The following PAX5 variants were observed in gnomAD, a reference collection of about 807,000 sequenced individuals.
The protein encoded by PAX5 is paired box 5.
PAX5 carries 9 observed loss-of-function variants against 43.7 expected under a neutral mutation model. The ratio of observed to expected loss-of-function variants is 0.21; its 90% confidence interval spans 0.12 to 0.36. PAX5 has a LOEUF of 0.36. Ranked by LOEUF, PAX5 falls within the 10% of genes least tolerant of loss-of-function variation. The probability of loss-of-function intolerance (pLI) is 1.00; values close to 1 mark genes in which losing one functional copy is unlikely to be tolerated. For missense variants in PAX5, 383 were observed against 532.7 expected (o/e 0.72, Z 2.77); for synonymous variants, 228 against 214.3 (o/e 1.06, Z -0.56).
At chr9:37,013,582 C>T (rs1401787208) in intron 3 of PAX5, among the ~76,000 whole-genome samples, 2 of 152,136 alleles carry the variant, frequency 1.3e-5, no homozygotes, top group Non-Finnish European at 2.9e-5. Flanking sequence ...AATGGAGCCT[C>T]TTATAATCCA....
intron 6 of PAX5, among the ~76,000 whole-genome samples, chr9:36,960,088 T>C (rs1284391127): frequency 6.6e-6 from 1 of 152,174 alleles, no homozygotes; most frequent in Non-Finnish European, 1.5e-5. Flanking sequence ...AAGAGACAAG[T>C]TGGTGCAGGC....
rs534289073 is a variant in PAX5 at position 36,982,368 on chromosome 9, T to C, written c.605-15644A>G. 4.1e-4 allele frequency among the ~76,000 whole-genome samples: 63 copies of C among 152,362 alleles called. 2 individuals carry two copies. Among genetic ancestry groups the C allele is most frequent in the Admixed American group, 4.0e-3 (61 of 15,306 alleles). On this transcript the variant is annotated intron_variant, in intron 5 of 9. Transcript: ENST00000358127. ...GTGAATCCCTTGGTTCCAGCATTCATTGATCTGTTGCTGGTGCTCTGGTCC... is the reference window on the plus strand; with the variant it reads ...GTGAATCCCTTGGTTCCAGCATTCACTGATCTGTTGCTGGTGCTCTGGTCC...
intron 5 of PAX5, among the ~76,000 whole-genome samples, chr9:36,979,698 G>A (rs1349324002): frequency 6.6e-6 from 1 of 152,182 alleles, no homozygotes; most frequent in African/African-American, 2.4e-5. Flanking sequence ...GAGCCCTGGT[G>A]TCTCACCTCC....
chr9:36,981,243 C>G (rs1835904221), intron 5 of PAX5, among the ~76,000 whole-genome samples: 1 of 147,032 alleles, frequency 6.8e-6, no homozygotes, highest in Admixed American at 6.8e-5. Flanking sequence ...TTGTTTTCCT[C>G]CAGAGCATAG....
At chr9:36,877,552 G>A (rs1251361437) in intron 8 of PAX5, among the ~76,000 whole-genome samples, 1 of 152,178 alleles carries the variant, frequency 6.6e-6, no homozygotes, top group Non-Finnish European at 1.5e-5. Context: ...AAGAGACACA[G>A]GTGTCCCAGA....
intron 8 of PAX5, among the ~76,000 whole-genome samples, chr9:36,870,435 G>C (rs944772412): frequency 6.6e-6 from 1 of 152,126 alleles, no homozygotes; most frequent in South Asian, 2.1e-4. Flanking sequence ...TGAATACTCT[G>C]CAACTGAGGC....
intron 3 of PAX5, among the ~76,000 whole-genome samples, chr9:37,008,306 G>T (rs543973235): frequency 2.0e-5 from 3 of 152,126 alleles, no homozygotes; most frequent in African/African-American, 4.8e-5. Flanking sequence ...GGCCCTCCTC[G>T]GCCTCCCAAA....
chr9:36,833,979 A>T lies in PAX5; in HGVS notation c.*6581T>A, dbSNP rs140919873. On this transcript the variant is annotated 3_prime_UTR_variant, in exon 10 of 10. Transcript: ENST00000358127. The stretch of plus-strand genomic sequence containing the variant: ...AAAGGTCAGTCCCTAAGACAAAATC[A>T]AATGTCTCAAAGAATTAAAAGCAAA... The T allele has an allele frequency of 1.7e-5, 4 of 233,026 alleles. No individual in the cohort carries two copies. Among genetic ancestry groups the T allele is most frequent in the Non-Finnish European group, 2.5e-5 (3 of 117,988 alleles). The allele number at this position is 233,026 out of a possible 1,614,324, so 14.4% of individuals were successfully genotyped here. A position where few individuals can be genotyped will look rare whatever the true frequency, so the allele number is the denominator to read the frequency against.
intron 6 of PAX5, among the ~76,000 whole-genome samples, chr9:36,950,825 C>T (rs764178670): frequency 6.6e-6 from 1 of 151,462 alleles, no homozygotes; most frequent in Non-Finnish European, 1.5e-5. Context: ...ACTGCAACCT[C>T]CGCCTTCCAG....
intron 6 of PAX5, among the ~76,000 whole-genome samples, chr9:36,942,684 G>A (rs1832150921): frequency 1.3e-5 from 2 of 152,242 alleles, no homozygotes; most frequent in African/African-American, 4.8e-5. Flanking sequence ...TGCAGATGCA[G>A]AAACTGAGGC....
chr9:36,923,527 G>A (rs375721339), intron 6 of PAX5, 43 bp from the exon 7 acceptor site: 86 of 1,577,652 alleles, frequency 5.5e-5, no homozygotes, highest in Non-Finnish European at 7.0e-5. Context: ...AGACTCCACA[G>A]TACCTTAGTC....
At position 36,963,948 on chromosome 9, in the gene PAX5, G is replaced by T. The variant is rs1345537339; in HGVS notation, c.780+2601C>A. ...TTGAAATCTTGCCTCTGTGGCTCCT[G>T]TTACCCCTAAAATTACATGATCTTG... is the stretch of plus-strand genomic sequence containing the variant. On this transcript the variant is annotated intron_variant, in intron 6 of 9. Transcript: ENST00000358127. Among the ~76,000 whole-genome samples the T allele has an allele frequency of 4.6e-5, 7 of 152,276 alleles. No individual in the cohort carries two copies. The East Asian group carries it at 1.4e-3, about 29-fold the overall frequency.
intron 1 of PAX5, among the ~76,000 whole-genome samples, chr9:37,032,955 C>T (rs1448274448): frequency 1.3e-5 from 2 of 152,258 alleles, no homozygotes; most frequent in Non-Finnish European, 2.9e-5. Flanking sequence ...CTGTGCTCTC[C>T]TCCACTGGTG....
chr9:37,014,881 C>T, intron 3 of PAX5, 116 bp downstream of exon 3: 2 of 941,574 alleles, frequency 2.1e-6, no homozygotes, highest in Non-Finnish European at 1.7e-6. Context: ...TTCAGTAACC[C>T]CTAAGGGGCC....
At chr9:37,003,467 G>A (rs1301162905) in intron 4 of PAX5, among the ~76,000 whole-genome samples, 1 of 152,214 alleles carries the variant, frequency 6.6e-6, no homozygotes, top group African/African-American at 2.4e-5. Flanking sequence ...AATCTTAGAA[G>A]CTAGGAAATG....
intron 5 of PAX5, among the ~76,000 whole-genome samples, chr9:36,970,796 G>A (rs1182814764): frequency 2.0e-5 from 3 of 152,110 alleles, no homozygotes; most frequent in Non-Finnish European, 4.4e-5. Flanking sequence ...TCATGCCCCA[G>A]CTGGTCCTCC....
At chr9:36,942,047 A>T (rs1455616193) in intron 6 of PAX5, among the ~76,000 whole-genome samples, 1 of 152,246 alleles carries the variant, frequency 6.6e-6, no homozygotes, top group African/African-American at 2.4e-5. Flanking sequence ...TCATTATCTC[A>T]TTTAATACCC....
At chr9:36,871,154 C>T (rs1825447333) in intron 8 of PAX5, among the ~76,000 whole-genome samples, 1 of 152,224 alleles carries the variant, frequency 6.6e-6, no homozygotes, top group Admixed American at 6.5e-5. Context: ...AACCCCAGGC[C>T]TGGCGTCAGG....
chr9:37,002,813 G>A, intron 4 of PAX5, 37 bp from the exon 5 acceptor site: 1 of 1,579,712 alleles, frequency 6.3e-7, no homozygotes, highest in Non-Finnish European at 8.6e-7. Flanking sequence ...GGCCGCAGAG[G>A]GCTGAGGGCG....
Sources: allele counts gnomAD v4.1 joint callset (sites outside exome capture counted in the v4.1 genomes callset), GRCh38; gene constraint gnomAD v4.1.1; transcripts MANE v1.5; gene names NCBI Gene and HGNC (gene_info 2026-07-23, HGNC 2026-07-21).